The following CRYL1 variants were observed in gnomAD, a reference collection of about 807,000 sequenced individuals.
The protein encoded by CRYL1 is lambda-crystallin homolog.
A neutral mutation model predicts 36.6 loss-of-function variants in CRYL1; 29 were observed. The observed-to-expected ratio is 0.79, with a 90% CI of 0.59 to 1.08. The LOEUF is 1.08. Among genes scored for constraint, CRYL1 ranks in the 50% least tolerant of loss-of-function variants. The pLI, the probability that CRYL1 is intolerant of heterozygous loss-of-function variation, is 0.00. For missense variants in CRYL1, 411 were observed against 407.9 expected (o/e 1.01, Z -0.06); for synonymous variants, 152 against 151.5 (o/e 1.00, Z -0.02).
chr13:20,519,340 G>A (rs756945807), intron 1 of CRYL1, among the ~76,000 whole-genome samples: 12 of 152,138 alleles, frequency 7.9e-5, no homozygotes, highest in Non-Finnish European at 1.6e-4. Flanking sequence ...GATGAATGGC[G>A]GTGGGGACCA....
intron 5 of CRYL1, among the ~76,000 whole-genome samples, chr13:20,414,897 CCTACGCCTTCA>C (rs1168163278): frequency 2.0e-5 from 3 of 152,232 alleles, no homozygotes; most frequent in Non-Finnish European, 2.9e-5. Context: ...CACCTTTTCC[CCTACGCCTTCA>C]CGGCTCAGAC....
chr13:20,445,138 G>A (rs1210456647), intron 3 of CRYL1, among the ~76,000 whole-genome samples: 1 of 152,196 alleles, frequency 6.6e-6, no homozygotes, highest in East Asian at 1.9e-4. Flanking sequence ...AAGGACATCA[G>A]TAACTCACAG....
At chr13:20,490,949 A>G (rs1183262729) in intron 2 of CRYL1, among the ~76,000 whole-genome samples, 2 of 152,174 alleles carry the variant, frequency 1.3e-5, no homozygotes, top group Non-Finnish European at 2.9e-5. Context: ...TCTGTCGCCC[A>G]GGCTGGAGTG....
chr13:20,511,470 T>G (rs1368476957), intron 2 of CRYL1, among the ~76,000 whole-genome samples: 1 of 152,222 alleles, frequency 6.6e-6, no homozygotes, highest in Non-Finnish European at 1.5e-5. Flanking sequence ...ACTTAACTTC[T>G]CTGTGTTCAA....
chr13:20,419,296 T>G (rs2031744896), intron 5 of CRYL1, among the ~76,000 whole-genome samples: 1 of 152,050 alleles, frequency 6.6e-6, no homozygotes, highest in East Asian at 1.9e-4. Flanking sequence ...AGTTTATTAT[T>G]ATTATTATTA....
intron 3 of CRYL1, among the ~76,000 whole-genome samples, chr13:20,473,807 T>G (rs1239319067): frequency 1.3e-5 from 2 of 152,218 alleles, no homozygotes; most frequent in South Asian, 4.1e-4. Flanking sequence ...ATTTCTCTTT[T>G]CATCATGATT....
intron 4 of CRYL1, 85 bp downstream of exon 4, chr13:20,439,508 C>T (rs1304811751): frequency 7.8e-6 from 8 of 1,019,326 alleles, no homozygotes; most frequent in Non-Finnish European, 1.1e-5. Flanking sequence ...TGACCCCCCT[C>T]CCCCGCAAAA....
At chr13:20,454,981 G>T (rs1011404797) in intron 3 of CRYL1, among the ~76,000 whole-genome samples, 19 of 152,106 alleles carry the variant, frequency 1.2e-4, no homozygotes, top group African/African-American at 4.3e-4. Flanking sequence ...GATATAAAAA[G>T]CATATAGATT....
chr13:20,448,456 A>G (rs2032500802), intron 3 of CRYL1, among the ~76,000 whole-genome samples: 1 of 152,204 alleles, frequency 6.6e-6, no homozygotes, highest in African/African-American at 2.4e-5. Context: ...CAGAGAACAC[A>G]AAGCAGAATA....
chr13:20,474,097 G>C (rs752113408), intron 3 of CRYL1, among the ~76,000 whole-genome samples: 2 of 152,164 alleles, frequency 1.3e-5, no homozygotes, highest in Non-Finnish European at 2.9e-5. Flanking sequence ...GAAAGGCATG[G>C]GCACGTCCTG....
In CRYL1 at chr13:20,425,996, G is replaced by A. The variant is rs566329332; in HGVS notation, c.633+6106C>T. On this transcript the variant is annotated intron_variant, in intron 5 of 7. Transcript: ENST00000298248. This position sits in a 1 kb window ranked among gnomAD's most constrained non-coding sequence, Gnocchi z 4.4. Reference sequence around the variant, plus strand: ...CCTGCTTCTGCCCACACAGGCTCATGACTCCTAAAGGGAAAACCTCCTAAA... The same window carrying A: ...CCTGCTTCTGCCCACACAGGCTCATAACTCCTAAAGGGAAAACCTCCTAAA... Among the ~76,000 whole-genome samples, 1 of 152,234 alleles carries A rather than the reference G, an allele frequency of 6.6e-6. No individual in the cohort carries two copies. Among genetic ancestry groups the A allele is most frequent in the Non-Finnish European group, 1.5e-5 (1 of 68,012 alleles).
chr13:20,485,697 G>GAAAAGAAAAGAAAAGAAAAGAAAAT (rs1227976535), intron 3 of CRYL1, among the ~76,000 whole-genome samples: 1 of 151,534 alleles, frequency 6.6e-6, no homozygotes, highest in African/African-American at 2.4e-5. Flanking sequence ...GAAAAGAAAA[G>GAAAAGAAAAGAAAAGAAAAGAAAAT]AAAAGAAAAG....
intron 5 of CRYL1, among the ~76,000 whole-genome samples, chr13:20,414,199 A>T (rs542673971): frequency 3.7e-4 from 10 of 26,920 alleles, no homozygotes; most frequent in South Asian, 2.3e-3. Context: ...AATAAAAATT[A>T]AAAAAATACA....
chr13:20,502,801 C>T (rs114400213), intron 2 of CRYL1, among the ~76,000 whole-genome samples: 3,434 of 152,154 alleles, frequency 0.023, 116 homozygotes, highest in African/African-American at 0.078. Flanking sequence ...GTATCAAGGC[C>T]CGGTTAAAAA....
intron 2 of CRYL1, among the ~76,000 whole-genome samples, chr13:20,506,603 C>G (rs1193014518): frequency 6.6e-6 from 1 of 151,800 alleles, no homozygotes; most frequent in Non-Finnish European, 1.5e-5. Context: ...CCTGAAAGGA[C>G]TTTAAAAATC....
intron 2 of CRYL1, among the ~76,000 whole-genome samples, chr13:20,491,550 C>T (rs112024079): frequency 0.014 from 2,078 of 152,174 alleles, 46 homozygotes; most frequent in African/African-American, 0.046. Flanking sequence ...CAGCACTTTG[C>T]GAGGCCAAGG....
chr13:20,484,712 C>A (rs61130373), intron 3 of CRYL1, among the ~76,000 whole-genome samples: 2,367 of 152,140 alleles, frequency 0.016, 58 homozygotes, highest in African/African-American at 0.054. Context: ...ATGCAAAATT[C>A]TATTTACAGT....
At chr13:20,502,096 T>A (rs1255283475) in intron 2 of CRYL1, among the ~76,000 whole-genome samples, 1 of 152,094 alleles carries the variant, frequency 6.6e-6, no homozygotes, top group Non-Finnish European at 1.5e-5. Context: ...GTTTTAAAAA[T>A]CTGGCATGCC....
intron 5 of CRYL1, among the ~76,000 whole-genome samples, chr13:20,427,824 G>A (rs986650479): frequency 6.7e-6 from 1 of 150,142 alleles, no homozygotes; most frequent in Non-Finnish European, 1.5e-5. Context: ...ATTTCAGGAA[G>A]GAAACCAGGG....
Sources: allele counts gnomAD v4.1 joint callset (sites outside exome capture counted in the v4.1 genomes callset), GRCh38; gene constraint gnomAD v4.1.1; non-coding constraint Gnocchi (gnomAD v3.1); transcripts MANE v1.5; gene names NCBI Gene and HGNC (gene_info 2026-07-23, HGNC 2026-07-21).